The following GTPBP1 variants were observed in gnomAD, a reference collection of about 807,000 sequenced individuals.
GTPBP1 encodes the protein GTP-binding protein 1.
Under a neutral mutation model 62.0 loss-of-function variants are expected in GTPBP1, and 23 were observed. The ratio of observed to expected loss-of-function variants is 0.37; its 90% confidence interval spans 0.27 to 0.53. The LOEUF is 0.53. GTPBP1 is among the 20% of genes least tolerant of loss of function. GTPBP1 has a pLI of 0.89. For synonymous variants in GTPBP1, 344 were observed against 364.4 expected, an observed-to-expected ratio of 0.94 and a Z score of 0.64; for missense variants, 640 against 917.3, an observed-to-expected ratio of 0.70 and a Z score of 3.90.
chr22:38,742,382 C>T (rs1299624884), downstream of GTPBP1: 13 of 1,613,260 alleles, frequency 8.1e-6, no homozygotes, highest in Non-Finnish European at 1.1e-5. Flanking sequence ...CCAGCAGCGC[C>T]AGGGTGTCCT....
At chr22:38,736,543 TC>T (rs1391911922), downstream of GTPBP1, 8 of 533,542 alleles carry the variant, frequency 1.5e-5, no homozygotes, top group African/African-American at 3.8e-5. Flanking sequence ...ATCTTTAGCC[TC>T]CTGAGCAGTG....
intron 2 of GTPBP1, among the ~76,000 whole-genome samples, chr22:38,714,889 G>A (rs1041291670): frequency 3.3e-5 from 5 of 152,116 alleles, no homozygotes; most frequent in East Asian, 1.9e-4. Flanking sequence ...AGCAGCTGAC[G>A]GGTTGTCATA....
chr22:38,709,703 A>G (rs534348644), intron 2 of GTPBP1, among the ~76,000 whole-genome samples: 2 of 152,310 alleles, frequency 1.3e-5, no homozygotes, highest in Admixed American at 1.3e-4. Flanking sequence ...GTGTCAGCAG[A>G]GAAAAGATGC....
Position 38,729,562 on chromosome 22 carries a change from G to C in GTPBP1, c.1817G>C (p.Gly606Ala), listed in dbSNP as rs1379346121. 1 of 1,601,148 alleles carries C rather than the reference G, an allele frequency of 6.2e-7. No individual in the cohort carries two copies. The highest frequency in any genetic ancestry group is 1.7e-5 in the Admixed American group (1 of 58,112). The change falls in exon 11 of 12, where the codon GGC becomes GCC. Residue 606 changes from glycine (G) to alanine (A), a missense_variant. Gly to Ala is a moderately conservative substitution (Grantham distance 60). Coordinates refer to ENST00000216044, the MANE Select transcript of GTPBP1 (RefSeq NM_004286.5). ...CCCCTGACGAAACGAGACGAGGGGG[G>C]CCCGTCTGGTGGGCCAGCAGTAGGA... ...KGPLTKRDEG[G>A]PSGGPAVGAP...
rs749273021 is a variant in GTPBP1 at position 38,729,445 on chromosome 22, C to T, written c.1717-17C>T. 3.2e-6 allele frequency: 5 copies of T among 1,583,800 alleles called. No individual in the cohort carries two copies. In the African/African-American group the frequency reaches 6.9e-5, roughly 22 times the overall value. On this transcript the variant is annotated splice_polypyrimidine_tract_variant and intron_variant, in intron 10 of 11. Transcript: ENST00000216044. ...CCCCGCAGCTCCAGCCTCAGCCTCT[C>T]TCCATGGCTCCCACAGCTCCTCCAG...
intron 4 of GTPBP1, among the ~76,000 whole-genome samples, chr22:38,719,991 C>T (rs62228768): frequency 2.7e-5 from 4 of 148,718 alleles, no homozygotes; most frequent in South Asian, 2.1e-4. Context: ...TGCAGTGGCG[C>T]GATCTCAGCT....
chr22:38,709,944 G>T (rs1388824034), intron 2 of GTPBP1, among the ~76,000 whole-genome samples: 1 of 152,168 alleles, frequency 6.6e-6, no homozygotes, highest in Non-Finnish European at 1.5e-5. Flanking sequence ...AGTATATTAT[G>T]GTTTCTTCCC....
At position 38,726,478 on chromosome 22, in the gene GTPBP1, C is replaced by T; in HGVS notation, c.1401+38C>T. Reference sequence around the variant, plus strand: ...GATACTGAACGCTCCCCTCAGACTCCATCATGCTAGGCTCTTGGCCAGATG... The same window carrying T: ...GATACTGAACGCTCCCCTCAGACTCTATCATGCTAGGCTCTTGGCCAGATG... On this transcript the variant is annotated intron_variant, in intron 8 of 11. Transcript: ENST00000216044. This position sits in a 1 kb window ranked among gnomAD's most constrained non-coding sequence, Gnocchi z 4.1. 6.4e-7 allele frequency: 1 copy of T among 1,566,860 alleles called. No individual in the cohort carries two copies. Among genetic ancestry groups the T allele is most frequent in the Non-Finnish European group, 8.8e-7 (1 of 1,141,086 alleles).
chr22:38,741,712 A>T, downstream of GTPBP1: 1 of 717,962 alleles, frequency 1.4e-6, no homozygotes, highest in Non-Finnish European at 2.4e-6. Flanking sequence ...TGAACCACGC[A>T]AGACTCCCGC....
chr22:38,734,379 A>G (rs1716574497), downstream of GTPBP1: 1 of 423,614 alleles, frequency 2.4e-6, no homozygotes. Flanking sequence ...ACTGCACTCC[A>G]AGTGGACGTG....
In GTPBP1 at chr22:38,726,859, T is replaced by C. The variant is rs965850874; in HGVS notation, c.1402-354T>C. On this transcript the variant is annotated intron_variant, in intron 8 of 11. Coordinates refer to ENST00000216044, the MANE Select transcript of GTPBP1 (RefSeq NM_004286.5). This position sits in a 1 kb window ranked among gnomAD's most constrained non-coding sequence, Gnocchi z 4.1. The stretch of plus-strand genomic sequence containing the variant: ...CACCTACCTTTACCCACCAACTAAA[T>C]TAACCAGGAATAGTAGGACTTTCTT... Among the ~76,000 whole-genome samples, 4 of 152,148 alleles carry C rather than the reference T, an allele frequency of 2.6e-5. No individual in the cohort carries two copies. Among genetic ancestry groups the C allele is most frequent in the Non-Finnish European group, 5.9e-5 (4 of 68,000 alleles).
chr22:38,741,399 A>G (rs2092856533), downstream of GTPBP1: 1 of 1,302,438 alleles, frequency 7.7e-7, no homozygotes, highest in African/African-American at 1.4e-5. Flanking sequence ...GCAACACCCA[A>G]ACAGTCCCTT....
intron 10 of GTPBP1, 43 bp downstream of exon 10, chr22:38,728,204 G>A (rs1333152001): frequency 5.7e-6 from 8 of 1,404,532 alleles, no homozygotes; most frequent in Admixed American, 1.7e-5. Flanking sequence ...GAAGCACCAG[G>A]GGCCACTCCT....
At chr22:38,729,920 G>A (rs2092747878) in intron 11 of GTPBP1, among the ~76,000 whole-genome samples, 1 of 152,210 alleles carries the variant, frequency 6.6e-6, no homozygotes, top group Admixed American at 6.5e-5. Flanking sequence ...AAATAAAATA[G>A]AACAGAAAAA....
intron 1 of GTPBP1, 70 bp from the exon 2 acceptor site, chr22:38,708,773 CTA>C: frequency 1.2e-6 from 1 of 854,626 alleles, no homozygotes; most frequent in South Asian, 1.3e-5. Context: ...TTTGGTTAGG[CTA>C]TATTGATCAG....
chr22:38,740,638 C>T (rs1227188510), downstream of GTPBP1: 7 of 571,630 alleles, frequency 1.2e-5, no homozygotes, highest in Non-Finnish European at 2.1e-5. The surrounding 1 kb of genome is among the most constrained non-coding windows in gnomAD (Gnocchi z 4.8). Context: ...TCTGAGCCTG[C>T]TCCCTTTCTA....
chr22:38,715,572 T>C (rs2092665006), intron 2 of GTPBP1, among the ~76,000 whole-genome samples: 1 of 152,154 alleles, frequency 6.6e-6, no homozygotes, highest in Non-Finnish European at 1.5e-5. Flanking sequence ...ATTAATTAAT[T>C]TCCTGTCTGC....
chr22:38,712,995 C>T (rs530313826), intron 2 of GTPBP1, among the ~76,000 whole-genome samples: 27 of 152,152 alleles, frequency 1.8e-4, no homozygotes, highest in Non-Finnish European at 3.4e-4. Flanking sequence ...TTTCAAGATG[C>T]TTATGTATTG....
intron 2 of GTPBP1, among the ~76,000 whole-genome samples, chr22:38,712,117 G>T (rs1302322331): frequency 6.6e-6 from 1 of 152,078 alleles, no homozygotes; most frequent in African/African-American, 2.4e-5. Context: ...CTGACCTCAG[G>T]TGATCCCCCT....
Sources: gnomAD v4.1 joint callset for allele counts (sites outside exome capture counted in the v4.1 genomes callset) on GRCh38, gnomAD v4.1.1 for gene constraint, Gnocchi (gnomAD v3.1) non-coding constraint, MANE v1.5 for transcripts, NCBI Gene and HGNC (gene_info 2026-07-23, HGNC 2026-07-21) for gene names.